NINL: variants seen among roughly 807,000 people sequenced by gnomAD.
NINL encodes the protein ninein-like protein.
In NINL, 153 loss-of-function variants were observed where a neutral mutation model predicts 160.3. That is an observed-to-expected ratio of 0.95 (90% CI 0.84 to 1.09). The LOEUF is 1.09. Among genes scored for constraint, NINL ranks in the 50% least tolerant of loss-of-function variants. NINL has a pLI of 0.00. For missense variants in NINL, 1,829 were observed against 1,764.0 expected, an observed-to-expected ratio of 1.04 and a Z score of -0.66; for synonymous variants, 800 against 734.8, an observed-to-expected ratio of 1.09 and a Z score of -1.43.
Position 25,513,751 on chromosome 20 carries a change from C to T in NINL, c.278-745G>A, listed in dbSNP as rs181347652. Reference sequence around the variant, plus strand: ...TCTGGTTGTTTAAAAGTGTGTAGCACCTCCCTCTGCTCTCTCTTCCTCCTT... The same window carrying T: ...TCTGGTTGTTTAAAAGTGTGTAGCATCTCCCTCTGCTCTCTCTTCCTCCTT... On this transcript the variant is annotated intron_variant, in intron 3 of 23. Coordinates refer to ENST00000278886, the MANE Select transcript of NINL (RefSeq NM_025176.6). Among the ~76,000 whole-genome samples the T allele has an allele frequency of 9.2e-4, 140 of 152,288 alleles. 1 individual carries two copies. Among genetic ancestry groups the T allele is most frequent in the Non-Finnish European group, 1.9e-4 (13 of 68,022 alleles).
chr20:25,531,906 C>T (rs2064471045), intron 1 of NINL, among the ~76,000 whole-genome samples: 1 of 152,196 alleles, frequency 6.6e-6, no homozygotes, highest in Non-Finnish European at 1.5e-5. Context: ...GCTCTCCCTA[C>T]ACCACAGCTA....
intron 19 of NINL, among the ~76,000 whole-genome samples, chr20:25,466,965 G>A (rs969189891): frequency 6.6e-6 from 1 of 152,206 alleles, no homozygotes; most frequent in Non-Finnish European, 1.5e-5. Context: ...AAGATGGGCT[G>A]AGCATGCTGG....
intron 1 of NINL, among the ~76,000 whole-genome samples, chr20:25,575,446 CAAAAA>C (rs1167252309): frequency 2.3e-5 from 1 of 43,760 alleles, no homozygotes. Flanking sequence ...GACTCCGTCT[CAAAAA>C]AAAAAAAAAA....
chr20:25,479,772 C>T (rs976317440), intron 15 of NINL, among the ~76,000 whole-genome samples: 1 of 152,232 alleles, frequency 6.6e-6, no homozygotes, highest in South Asian at 2.1e-4. Context: ...TCCAGGGTGG[C>T]CCTGGCCTCA....
At chr20:25,458,558 T>G in intron 21 of NINL, 29 bp from the exon 22 acceptor site, 1 of 1,539,802 alleles carries the variant, frequency 6.5e-7, no homozygotes, top group Non-Finnish European at 8.7e-7. Flanking sequence ...ACAGCTCTGG[T>G]GGGGCTGCTG....
chr20:25,562,957 G>A (rs1239385581), intron 1 of NINL, among the ~76,000 whole-genome samples: 5 of 152,140 alleles, frequency 3.3e-5, no homozygotes, highest in African/African-American at 1.2e-4. Context: ...CACGAGGTCA[G>A]GAGATGAGAC....
intron 1 of NINL, among the ~76,000 whole-genome samples, chr20:25,564,936 A>G (rs914627812): frequency 1.3e-5 from 2 of 152,190 alleles, no homozygotes; most frequent in African/African-American, 4.8e-5. Flanking sequence ...ACCGAAGCAA[A>G]AGCCGAGTAA....
At chr20:25,460,349 G>T (rs75104165) in intron 21 of NINL, among the ~76,000 whole-genome samples, 8 of 152,144 alleles carry the variant, frequency 5.3e-5, no homozygotes, top group African/African-American at 1.9e-4. Context: ...TCTAAATCAC[G>T]AGGAAGAAGG....
At chr20:25,583,185 G>A (rs186432910) in intron 1 of NINL, among the ~76,000 whole-genome samples, 8 of 152,216 alleles carry the variant, frequency 5.3e-5, no homozygotes, top group African/African-American at 1.4e-4. Flanking sequence ...GAGTGAACAG[G>A]CAACCTACAG....
intron 19 of NINL, 98 bp from the exon 20 acceptor site, chr20:25,462,639 G>A (rs200117483): frequency 1.4e-6 from 1 of 739,112 alleles, no homozygotes; most frequent in South Asian, 2.1e-5. Flanking sequence ...TTATTAAGTA[G>A]TCATTTGTTT....
At chr20:25,525,191 G>GTGCCC (rs2064335599) in intron 2 of NINL, among the ~76,000 whole-genome samples, 1 of 152,182 alleles carries the variant, frequency 6.6e-6, no homozygotes, top group Non-Finnish European at 1.5e-5. Context: ...GGGAGGCACA[G>GTGCCC]TGCCCTGCTG....
Position 25,508,310 on chromosome 20 carries a change from C to T in NINL, c.517+2364G>A, listed in dbSNP as rs77617020. ...GCTATGTTTCTGCACAGTCAGCCCA[C>T]GTAACCGCCTGTGTGGGGAGGCCTC... On this transcript the variant is annotated intron_variant, in intron 5 of 23. Coordinates refer to ENST00000278886, the MANE Select transcript of NINL (RefSeq NM_025176.6). 3.3e-3 allele frequency among the ~76,000 whole-genome samples: 503 copies of T among 152,360 alleles called. 1 individual carries two copies. Among genetic ancestry groups the T allele is most frequent in the Admixed American group, 6.0e-3 (92 of 15,312 alleles).
At chr20:25,477,370 C>A (rs2063284471) in intron 16 of NINL, among the ~76,000 whole-genome samples, 1 of 152,232 alleles carries the variant, frequency 6.6e-6, no homozygotes, top group Admixed American at 6.5e-5. Context: ...CGCCACCATG[C>A]AGGACCTGGT....
At chr20:25,528,288 C>G (rs749061864) in intron 1 of NINL, among the ~76,000 whole-genome samples, 1 of 152,172 alleles carries the variant, frequency 6.6e-6, no homozygotes, top group African/African-American at 2.4e-5. Flanking sequence ...CCTGCTGCGG[C>G]CTCCCAAAGT....
chr20:25,474,596 CAG>C (rs986226545), intron 17 of NINL, among the ~76,000 whole-genome samples: 3 of 151,880 alleles, frequency 2.0e-5, no homozygotes, highest in Non-Finnish European at 2.9e-5. Context: ...TTACTCTAAA[CAG>C]AGTTTCACTA....
intron 5 of NINL, among the ~76,000 whole-genome samples, chr20:25,510,284 A>G (rs533592256): frequency 2.0e-5 from 3 of 152,382 alleles, no homozygotes; most frequent in East Asian, 3.9e-4. Context: ...TATCTAGCCC[A>G]GCGTGCCAGG....
chr20:25,538,516 T>C (rs1296926060), intron 1 of NINL, among the ~76,000 whole-genome samples: 1 of 149,324 alleles, frequency 6.7e-6, no homozygotes, highest in Non-Finnish European at 1.5e-5. Flanking sequence ...GTGTAGATGG[T>C]GGGCAGCTCT....
chr20:25,510,606 C>T lies in NINL; in HGVS notation c.517+68G>A. The T allele has an allele frequency of 2.9e-6, 4 of 1,391,694 alleles. No individual in the cohort carries two copies. The South Asian group carries it at 3.5e-5, about 12-fold the overall frequency. The allele number at this position is 1,391,694 out of a possible 1,614,324, so 86.2% of individuals were successfully genotyped here. On this transcript the variant is annotated intron_variant, in intron 5 of 23. Coordinates refer to ENST00000278886, the MANE Select transcript of NINL (RefSeq NM_025176.6). ...CTTGTGGTTGCACACTGCCCAATGA[C>T]CCGGCTGTTCAGCTTTCAAAGCTCT...
At chr20:25,540,562 T>TC (rs2064646355) in intron 1 of NINL, among the ~76,000 whole-genome samples, 1 of 152,162 alleles carries the variant, frequency 6.6e-6, no homozygotes, top group South Asian at 2.1e-4. Context: ...GGTGTGCCAA[T>TC]CACCTAGGGA....
Sources: allele counts gnomAD v4.1 joint callset (sites outside exome capture counted in the v4.1 genomes callset), GRCh38; gene constraint gnomAD v4.1.1; transcripts MANE v1.5; gene names NCBI Gene and HGNC (gene_info 2026-07-23, HGNC 2026-07-21).